Variants in AFF3 observed in about 807,000 individuals in gnomAD.
AFF3 encodes AF4/FMR2 family member 3.
Under a neutral mutation model 129.7 loss-of-function variants are expected in AFF3, and 32 were observed. The ratio of observed to expected loss-of-function variants is 0.25; its 90% CI spans 0.19 to 0.33. AFF3 has a LOEUF of 0.33. AFF3 is among the 10% of genes least tolerant of loss of function. AFF3 has a pLI of 1.00. For missense variants in AFF3, 1,373 were observed against 1,592.0 expected (o/e 0.86, Z 2.34); for synonymous variants, 644 against 635.4 (o/e 1.01, Z -0.20).
At chr2:99,965,230 G>C (rs763215821) in intron 7 of AFF3, among the ~76,000 whole-genome samples, 9 of 152,186 alleles carry the variant, frequency 5.9e-5, no homozygotes, top group Non-Finnish European at 1.3e-4. Flanking sequence ...CCTATTCAAA[G>C]AAAGGACATG....
At chr2:99,989,020 G>A (rs1002336449) in intron 7 of AFF3, among the ~76,000 whole-genome samples, 2 of 152,090 alleles carry the variant, frequency 1.3e-5, no homozygotes, top group Non-Finnish European at 2.9e-5. Flanking sequence ...AATTCACAAC[G>A]GATTAGATAT....
chr2:99,581,938 T>C (rs1677601985), intron 17 of AFF3, among the ~76,000 whole-genome samples: 1 of 139,836 alleles, frequency 7.2e-6, no homozygotes, highest in Non-Finnish European at 1.5e-5. Flanking sequence ...CACTGCAACC[T>C]CCACCTCCCA....
chr2:99,876,183 G>A (rs1299337877), intron 7 of AFF3, among the ~76,000 whole-genome samples: 2 of 152,130 alleles, frequency 1.3e-5, no homozygotes. Flanking sequence ...CGGTGGCTTT[G>A]AAGACCATTT....
At chr2:99,558,080 T>C (rs996653876) in intron 22 of AFF3, among the ~76,000 whole-genome samples, 57 of 152,200 alleles carry the variant, frequency 3.7e-4, no homozygotes, top group African/African-American at 1.2e-3. Flanking sequence ...TGCAATTTTA[T>C]CCCTATAGCT....
chr2:99,630,989 T>C, intron 13 of AFF3: 1 of 461,344 alleles, frequency 2.2e-6, no homozygotes, highest in Non-Finnish European at 4.5e-6. Flanking sequence ...GGAGGGCATT[T>C]CAGAAGGAAG....
chr2:99,979,278 C>T (rs1025487845), intron 7 of AFF3, among the ~76,000 whole-genome samples: 2 of 152,008 alleles, frequency 1.3e-5, no homozygotes, highest in African/African-American at 4.8e-5. Context: ...TGCCTAAGAA[C>T]TAGCTCATCT....
intron 7 of AFF3, among the ~76,000 whole-genome samples, chr2:99,931,148 GAAATAAATGTAAGGACCCCCTTC>G (rs1696646101): frequency 6.6e-6 from 1 of 152,138 alleles, no homozygotes; most frequent in African/African-American, 2.4e-5. Flanking sequence ...GCAAAATGAT[GAAATAAATGTAAGGACCCCCTTC>G]CCATCTCATT....
chr2:99,879,052 G>A (rs1463950902), intron 7 of AFF3, among the ~76,000 whole-genome samples: 9 of 152,136 alleles, frequency 5.9e-5, no homozygotes, highest in South Asian at 2.1e-4. Context: ...AGGAATCTGC[G>A]GGTAAGAAGC....
intron 7 of AFF3, among the ~76,000 whole-genome samples, chr2:99,987,002 G>A (rs1177970919): frequency 6.6e-6 from 1 of 152,188 alleles, no homozygotes; most frequent in Non-Finnish European, 1.5e-5. Context: ...TTTGGTGAAC[G>A]AAAAGGCCGA....
intron 15 of AFF3, among the ~76,000 whole-genome samples, chr2:99,592,696 G>A (rs926480996): frequency 3.9e-5 from 6 of 152,226 alleles, no homozygotes; most frequent in Admixed American, 6.5e-5. Context: ...CACTTTGGGA[G>A]GCTGAGGCAG....
At chr2:99,574,500 AT>A (rs1406945997) in intron 18 of AFF3, among the ~76,000 whole-genome samples, 1 of 152,074 alleles carries the variant, frequency 6.6e-6, no homozygotes, top group Non-Finnish European at 1.5e-5. Context: ...AAACCCATTA[AT>A]TTACATTCAC....
intron 1 of AFF3, among the ~76,000 whole-genome samples, chr2:100,141,667 G>A (rs1304986377): frequency 6.6e-6 from 1 of 151,996 alleles, no homozygotes; most frequent in Non-Finnish European, 1.5e-5. Context: ...TTTTATATAT[G>A]TGAGACTCGA....
chr2:99,596,973 G>A (rs572982903), intron 14 of AFF3, among the ~76,000 whole-genome samples: 6 of 152,160 alleles, frequency 3.9e-5, no homozygotes, highest in African/African-American at 1.4e-4. Context: ...GTTTAAGGGC[G>A]TCCATTATCT....
chr2:99,604,303 A>T (rs1680125532), intron 13 of AFF3, among the ~76,000 whole-genome samples: 1 of 152,236 alleles, frequency 6.6e-6, no homozygotes, highest in African/African-American at 2.4e-5. Flanking sequence ...TTTAAAAAAA[A>T]AAGATTATGT....
chr2:99,756,475 C>A (rs182464544), intron 8 of AFF3, among the ~76,000 whole-genome samples: 153 of 152,346 alleles, frequency 1.0e-3, no homozygotes, highest in African/African-American at 3.3e-3. Flanking sequence ...TCATGCCTGA[C>A]CCCGTTGCCT....
In AFF3 at chr2:99,886,667, G is replaced by A. The variant is rs991522601; in HGVS notation, c.874-49143C>T. 3.3e-5 allele frequency among the ~76,000 whole-genome samples: 5 copies of A among 151,994 alleles called. No individual in the cohort carries two copies. The South Asian group carries it at 8.3e-4, about 25-fold the overall frequency. On this transcript the variant is annotated intron_variant, in intron 7 of 24. Transcript: ENST00000672756. The stretch of plus-strand genomic sequence containing the variant: ...CATTTAAAAATGGTCTATATACCAC[G>A]CTTCATGAACAAGTTTTATTACCCA...
At chr2:99,668,006 A>G (rs1351847076) in intron 12 of AFF3, among the ~76,000 whole-genome samples, 1 of 151,942 alleles carries the variant, frequency 6.6e-6, no homozygotes, top group Non-Finnish European at 1.5e-5. Context: ...AAAATATAAA[A>G]AATTAGCCAG....
intron 4 of AFF3, among the ~76,000 whole-genome samples, chr2:100,090,704 T>A (rs1317335009): frequency 6.6e-6 from 1 of 151,840 alleles, no homozygotes; most frequent in Non-Finnish European, 1.5e-5. Flanking sequence ...TGAGAAGGAG[T>A]CTCGCTGTGA....
intron 4 of AFF3, among the ~76,000 whole-genome samples, chr2:100,100,921 C>T (rs1027076284): frequency 3.9e-5 from 6 of 152,206 alleles, no homozygotes; most frequent in African/African-American, 1.2e-4. Flanking sequence ...TGTAAACTCA[C>T]GGAATGCCCA....
Sources: allele counts gnomAD v4.1 joint callset (sites outside exome capture counted in the v4.1 genomes callset), GRCh38; gene constraint gnomAD v4.1.1; transcripts MANE v1.5; gene names NCBI Gene and HGNC (gene_info 2026-07-23, HGNC 2026-07-21).